TRHDE: variants seen among roughly 807,000 people sequenced by gnomAD.
TRHDE encodes the protein thyrotropin releasing hormone degrading enzyme.
TRHDE carries 72 observed loss-of-function variants against 125.7 expected under a neutral mutation model. The observed-to-expected ratio is 0.57, with a 90% confidence interval of 0.47 to 0.70. The LOEUF (loss-of-function observed/expected upper bound fraction) is 0.70, where lower values mean the gene tolerates loss of function less well. TRHDE is among the 30% of genes least tolerant of loss of function. The pLI is 0.00. For missense variants in TRHDE, 1,110 were observed against 1,327.1 expected, an observed-to-expected ratio of 0.84 and a Z score of 2.54; for synonymous variants, 509 against 509.1, an observed-to-expected ratio of 1.00 and a Z score of 0.00.
At chr12:72,139,539 A>G (rs977662721) in intron 2 of TRHDE, among the ~76,000 whole-genome samples, 6 of 152,170 alleles carry the variant, frequency 3.9e-5, no homozygotes, top group African/African-American at 7.2e-5. Flanking sequence ...ATGAATAGAG[A>G]TGTCTTCAGC....
intron 15 of TRHDE, among the ~76,000 whole-genome samples, chr12:72,647,561 G>A (rs1023840016): frequency 6.6e-6 from 1 of 151,704 alleles, no homozygotes; most frequent in African/African-American, 2.4e-5. Context: ...AAAGAGAGAA[G>A]ACTCAAATAA....
chr12:72,501,849 A>G (rs920391577), intron 6 of TRHDE, among the ~76,000 whole-genome samples: 11 of 152,012 alleles, frequency 7.2e-5, no homozygotes, highest in African/African-American at 2.7e-4. Flanking sequence ...TAATGATTTA[A>G]TTTTGTTAAT....
intron 2 of TRHDE, among the ~76,000 whole-genome samples, chr12:72,333,299 C>T (rs1348866144): frequency 6.6e-6 from 1 of 152,070 alleles, no homozygotes; most frequent in African/African-American, 2.4e-5. Context: ...GTATTGATGT[C>T]CTACTATAAG....
rs538829821 is a variant in TRHDE at position 72,667,514 on chromosome 12, T to G, written c.*4319T>G. 5 of 151,486 alleles carry G rather than the reference T, an allele frequency of 3.3e-5. No individual in the cohort carries two copies. Among genetic ancestry groups the G allele is most frequent in the African/African-American group, 9.7e-5 (4 of 41,426 alleles). The allele number at this position is 151,486 out of a possible 1,614,324, so 9.4% of individuals were successfully genotyped here. ...TTAGTGAGGGAAAGGAATACAGAGA[T>G]GAATATGGCCTGAAGGAATGAACTC... is the stretch of plus-strand genomic sequence containing the variant. On this transcript the variant is annotated 3_prime_UTR_variant, in exon 19 of 19. Transcript: ENST00000261180.
chr12:72,479,716 G>A (rs1364095800), intron 5 of TRHDE, among the ~76,000 whole-genome samples: 2 of 149,474 alleles, frequency 1.3e-5, no homozygotes, highest in African/African-American at 4.9e-5. Context: ...CAATGTGCAG[G>A]TTAGTTACAT....
intron 5 of TRHDE, among the ~76,000 whole-genome samples, chr12:72,491,792 G>A (rs1251090848): frequency 2.0e-5 from 3 of 151,928 alleles, no homozygotes; most frequent in Non-Finnish European, 2.9e-5. Flanking sequence ...AGGCATCTTA[G>A]AGATTTTGTA....
chr12:72,399,815 G>A (rs1262918109), intron 3 of TRHDE, among the ~76,000 whole-genome samples: 1 of 152,016 alleles, frequency 6.6e-6, no homozygotes, highest in Non-Finnish European at 1.5e-5. Flanking sequence ...TTTAAAAAAA[G>A]AGTAAACTTT....
chr12:72,593,485 G>GT lies in TRHDE; in HGVS notation c.2321+17953dup, dbSNP rs146723003. ...TGGGACAATAATGAATATTATACAG[G>GT]TTTTTTTTTTGAGAGGGAGTTTTAC... On this transcript the variant is annotated intron_variant, in intron 12 of 18. Transcript: ENST00000261180. Among the ~76,000 whole-genome samples, 1,449 of 148,278 alleles carry GT rather than the reference G, an allele frequency of 9.8e-3. 10 individuals are homozygous for GT. The highest frequency in any genetic ancestry group is 0.017 in the Non-Finnish European group (1,123 of 66,706).
chr12:72,570,496 G>C (rs764573580), intron 10 of TRHDE, among the ~76,000 whole-genome samples: 24 of 146,668 alleles, frequency 1.6e-4, no homozygotes, highest in Non-Finnish European at 3.3e-4. Context: ...CAGGAGAATC[G>C]CTTGAACCCA....
At chr12:72,195,983 G>C (rs1466503231) in intron 2 of TRHDE, among the ~76,000 whole-genome samples, 1 of 152,082 alleles carries the variant, frequency 6.6e-6, no homozygotes, top group African/African-American at 2.4e-5. Flanking sequence ...TGAATAGGGA[G>C]TGCTTTTCCC....
At chr12:72,398,423 T>A (rs1320202903) in intron 3 of TRHDE, among the ~76,000 whole-genome samples, 1 of 152,218 alleles carries the variant, frequency 6.6e-6, no homozygotes, top group African/African-American at 2.4e-5. Flanking sequence ...TGTCATTTTT[T>A]ATAGCATTTA....
At chr12:72,641,527 G>T (rs1874060462) in intron 15 of TRHDE, among the ~76,000 whole-genome samples, 1 of 151,916 alleles carries the variant, frequency 6.6e-6, no homozygotes, top group Non-Finnish European at 1.5e-5. Context: ...TTATGCAATG[G>T]TATTATACAT....
intron 13 of TRHDE, 69 bp from the exon 14 acceptor site, chr12:72,621,039 G>A (rs1873029632): frequency 5.5e-6 from 4 of 725,218 alleles, no homozygotes; most frequent in Non-Finnish European, 9.3e-6. Flanking sequence ...TTTTATTACA[G>A]AATTTTAATT....
chr12:72,401,147 A>G (rs1395561229), intron 3 of TRHDE, among the ~76,000 whole-genome samples: 1 of 152,138 alleles, frequency 6.6e-6, no homozygotes, highest in African/African-American at 2.4e-5. Flanking sequence ...TTTAAGTGAT[A>G]TTTGGCTTTT....
chr12:72,542,079 G>A (rs1009907920), intron 6 of TRHDE, among the ~76,000 whole-genome samples: 4 of 151,244 alleles, frequency 2.6e-5, no homozygotes, highest in African/African-American at 9.7e-5. Context: ...CCATTTTGTG[G>A]TTGTAGGTTT....
chr12:72,575,622 T>C (rs1000387290), intron 12 of TRHDE, 80 bp downstream of exon 12: 1 of 1,292,090 alleles, frequency 7.7e-7, no homozygotes, highest in African/African-American at 1.5e-5. Context: ...TATGTATATG[T>C]CTTTTATTTA....
At chr12:72,415,203 T>A (rs1442285190) in intron 3 of TRHDE, among the ~76,000 whole-genome samples, 1 of 152,154 alleles carries the variant, frequency 6.6e-6, no homozygotes, top group African/African-American at 2.4e-5. Context: ...AATGTATTAC[T>A]TAGTTAAAAA....
intron 2 of TRHDE, among the ~76,000 whole-genome samples, chr12:72,314,456 A>G (rs1868704318): frequency 6.6e-6 from 1 of 152,034 alleles, no homozygotes; most frequent in Non-Finnish European, 1.5e-5. Context: ...TGAACCATTC[A>G]TATATAATAT....
At chr12:72,388,303 T>C (rs1229003363) in intron 3 of TRHDE, among the ~76,000 whole-genome samples, 1 of 152,214 alleles carries the variant, frequency 6.6e-6, no homozygotes, top group Non-Finnish European at 1.5e-5. Context: ...CTCCATGGTA[T>C]TTTTTAATTA....
Sources: gnomAD v4.1 joint callset for allele counts (sites outside exome capture counted in the v4.1 genomes callset) on GRCh38, gnomAD v4.1.1 for gene constraint, MANE v1.5 for transcripts, NCBI Gene and HGNC (gene_info 2026-07-23, HGNC 2026-07-21) for gene names.